CADPS2: variants seen among roughly 807,000 people sequenced by gnomAD.
CADPS2 encodes the protein calcium dependent secretion activator 2.
A neutral mutation model predicts 172.5 loss-of-function variants in CADPS2; 93 were observed. The observed-to-expected ratio is 0.54, with a 90% confidence interval of 0.46 to 0.64. CADPS2 has a LOEUF of 0.64. Among genes scored for constraint, CADPS2 ranks in the 30% least tolerant of loss-of-function variants. The pLI is 0.00. For synonymous variants in CADPS2, 546 were observed against 555.2 expected (o/e 0.98, Z 0.23); for missense variants, 1,420 against 1,565.9 (o/e 0.91, Z 1.57).
chr7:122,705,969 A>AATATATAACATATT (rs796594559), intron 2 of CADPS2, among the ~76,000 whole-genome samples: 336 of 3,682 alleles, frequency 0.091, 69 homozygotes, highest in East Asian at 0.3. Flanking sequence ...TATATAATAT[A>AATATATAACATATT]ATATAATATA....
rs182979714 is a variant in CADPS2, at chr7:122,774,169, C to A, written c.340-37101G>T. 1.5e-4 allele frequency among the ~76,000 whole-genome samples: 22 copies of A among 151,646 alleles called. No homozygotes were observed. In the East Asian group the frequency reaches 4.1e-3, roughly 28 times the overall value. On this transcript the variant is annotated intron_variant, in intron 1 of 29. Coordinates refer to ENST00000449022, the MANE Select transcript of CADPS2 (RefSeq NM_017954.11). ...GCCATATATATTAATCTCTAAAAGTCTAAATTATTGAAAGTTGATTTTGAA... is the reference window on the plus strand; with the variant it reads ...GCCATATATATTAATCTCTAAAAGTATAAATTATTGAAAGTTGATTTTGAA...
intron 2 of CADPS2, among the ~76,000 whole-genome samples, chr7:122,724,210 T>C (rs1226455393): frequency 6.6e-6 from 1 of 151,670 alleles, no homozygotes; most frequent in African/African-American, 2.4e-5. Flanking sequence ...AAAAATAAAA[T>C]AAAAATAAAT....
At chr7:122,491,183 C>T (rs1435823587) in intron 10 of CADPS2, 129 bp downstream of exon 10, 28 of 484,028 alleles carry the variant, frequency 5.8e-5, no homozygotes, top group Non-Finnish European at 9.4e-5. Context: ...TAAAGTCTTG[C>T]CCAGGTATAT....
intron 9 of CADPS2, among the ~76,000 whole-genome samples, chr7:122,497,014 CTTCT>C (rs2058788379): frequency 6.6e-6 from 1 of 151,912 alleles, no homozygotes; most frequent in Non-Finnish European, 1.5e-5. Context: ...GGGATTGTTA[CTTCT>C]TTCTCGGACT....
chr7:122,651,427 A>T (rs1043021984), intron 3 of CADPS2, among the ~76,000 whole-genome samples: 2 of 152,228 alleles, frequency 1.3e-5, no homozygotes, highest in African/African-American at 2.4e-5. Context: ...CGGTGACCAC[A>T]GCAACTGCCT....
intron 1 of CADPS2, among the ~76,000 whole-genome samples, chr7:122,812,657 G>A (rs1800314994): frequency 6.6e-6 from 1 of 152,068 alleles, no homozygotes; most frequent in Non-Finnish European, 1.5e-5. Context: ...GTGGGACAGG[G>A]GGAGAGGAGA....
chr7:122,395,528 A>G (rs1003150127), intron 20 of CADPS2: 5 of 152,346 alleles, frequency 3.3e-5, no homozygotes, highest in Admixed American at 2.6e-4. Context: ...AGAAGGTACT[A>G]TAGCTCAAAT....
intron 6 of CADPS2, among the ~76,000 whole-genome samples, chr7:122,614,278 C>T (rs553298766): frequency 6.6e-6 from 1 of 152,062 alleles, no homozygotes; most frequent in South Asian, 2.1e-4. Context: ...CTTTTCAACC[C>T]CCTAATACTC....
At chr7:122,530,444 T>C (rs921077150) in intron 8 of CADPS2, among the ~76,000 whole-genome samples, 2 of 152,002 alleles carry the variant, frequency 1.3e-5, no homozygotes, top group African/African-American at 2.4e-5. Flanking sequence ...TGCCATAGTA[T>C]ACTCTACTAA....
At chr7:122,785,698 G>A (rs781648144) in intron 1 of CADPS2, among the ~76,000 whole-genome samples, 57 of 152,058 alleles carry the variant, frequency 3.7e-4, no homozygotes, top group Admixed American at 5.9e-4. Flanking sequence ...GGGGGTTAGG[G>A]AGACTCTCAT....
chr7:122,635,163 C>T (rs2076944003), intron 3 of CADPS2, among the ~76,000 whole-genome samples: 1 of 151,948 alleles, frequency 6.6e-6, no homozygotes, highest in Non-Finnish European at 1.5e-5. Flanking sequence ...TCTATTAGGT[C>T]CAATTGGTTA....
At chr7:122,714,270 G>A (rs1050787787) in intron 2 of CADPS2, among the ~76,000 whole-genome samples, 4 of 152,018 alleles carry the variant, frequency 2.6e-5, no homozygotes, top group Admixed American at 1.3e-4. Context: ...AAAACGACAT[G>A]GTTAATCTGA....
chr7:122,684,367 AT>A (rs2083402273), intron 2 of CADPS2, among the ~76,000 whole-genome samples: 1 of 152,222 alleles, frequency 6.6e-6, no homozygotes, highest in East Asian at 1.9e-4. Flanking sequence ...CAAAAGCATG[AT>A]TTTCCCCCAA....
intron 2 of CADPS2, among the ~76,000 whole-genome samples, chr7:122,712,999 G>A (rs2136779717): frequency 6.6e-6 from 1 of 151,962 alleles, no homozygotes; most frequent in African/African-American, 2.4e-5. Flanking sequence ...TCAGGTTACG[G>A]CACACACAAA....
chr7:122,855,322 A>G (rs1050563617), intron 1 of CADPS2, among the ~76,000 whole-genome samples: 1 of 152,232 alleles, frequency 6.6e-6, no homozygotes, highest in Admixed American at 6.5e-5. Context: ...TAATTTATTT[A>G]TCCTAATAGC....
At chr7:122,742,092 T>G (rs1174694023) in intron 1 of CADPS2, among the ~76,000 whole-genome samples, 1 of 152,116 alleles carries the variant, frequency 6.6e-6, no homozygotes, top group Non-Finnish European at 1.5e-5. Context: ...ATTATAGCTT[T>G]TTTAAAAATC....
At chr7:122,732,756 G>T (rs2091775949) in intron 2 of CADPS2, among the ~76,000 whole-genome samples, 2 of 139,158 alleles carry the variant, frequency 1.4e-5, no homozygotes, top group South Asian at 2.2e-4. Context: ...AATCCTTCAA[G>T]CCAATCCTTC....
At chr7:122,399,660 CTTTTTTTTTTTTTTTTTTTTTTTTTTTTT>C (rs1008163151) in intron 20 of CADPS2, among the ~76,000 whole-genome samples, 3 of 51,228 alleles carry the variant, frequency 5.9e-5, no homozygotes, top group Middle Eastern at 0.019. Context: ...GGGTGGGTTT[CTTTTTTTTTTTTTTTTTTTTTTTTTTTTT>C]TTTTTTTTTT....
intron 19 of CADPS2, 85 bp downstream of exon 19, chr7:122,413,983 G>A: frequency 8.7e-7 from 1 of 1,153,386 alleles, no homozygotes; most frequent in African/African-American, 1.6e-5. Context: ...CTTTAAAATG[G>A]ACTACAATCA....
Sources: gnomAD v4.1 joint callset for allele counts (sites outside exome capture counted in the v4.1 genomes callset) on GRCh38, gnomAD v4.1.1 for gene constraint, MANE v1.5 for transcripts, NCBI Gene and HGNC (gene_info 2026-07-23, HGNC 2026-07-21) for gene names.